Variants in RASA2 observed in about 807,000 individuals in gnomAD.
RASA2 encodes RAS p21 protein activator 2.
Under a neutral mutation model 118.2 loss-of-function variants are expected in RASA2, and 155 were observed. That is an observed-to-expected ratio of 1.31 (90% CI 1.15 to 1.50). The LOEUF (loss-of-function observed/expected upper bound fraction) is 1.50, where lower values mean the gene tolerates loss of function less well. Among genes scored for constraint, RASA2 ranks in the 40% most tolerant of loss-of-function variants. The probability of loss-of-function intolerance (pLI) is 0.00; values close to 1 mark genes in which losing one functional copy is unlikely to be tolerated. For synonymous variants in RASA2, 353 were observed against 349.1 expected (o/e 1.01, Z -0.12); for missense variants, 1,016 against 1,009.6 (o/e 1.01, Z -0.09).
At chr3:141,580,013 G>A (rs2083076620) in intron 15 of RASA2, among the ~76,000 whole-genome samples, 1 of 131,330 alleles carries the variant, frequency 7.6e-6, no homozygotes, top group Admixed American at 8.9e-5. Context: ...CTGCGGTTAT[G>A]CCACTACACT....
intron 21 of RASA2, among the ~76,000 whole-genome samples, chr3:141,609,123 T>C (rs916592323): frequency 6.6e-6 from 1 of 152,252 alleles, no homozygotes; most frequent in Admixed American, 6.5e-5. Flanking sequence ...TCTTTCTAAT[T>C]GTATGGAACA....
intron 7 of RASA2, among the ~76,000 whole-genome samples, chr3:141,556,465 T>C (rs2082651505): frequency 6.6e-6 from 1 of 152,178 alleles, no homozygotes; most frequent in Non-Finnish European, 1.5e-5. Flanking sequence ...ATTACAGCTT[T>C]ATTATTACTT....
intron 1 of RASA2, among the ~76,000 whole-genome samples, chr3:141,488,079 T>G (rs1411389425): frequency 6.6e-6 from 1 of 152,246 alleles, no homozygotes; most frequent in Non-Finnish European, 1.5e-5. Flanking sequence ...TGCTCAGAGT[T>G]GTCCGAGCAT....
intron 23 of RASA2, among the ~76,000 whole-genome samples, chr3:141,611,007 C>G (rs1237529988): frequency 6.6e-6 from 1 of 151,790 alleles, no homozygotes; most frequent in African/African-American, 2.4e-5. Flanking sequence ...CAATGGATAA[C>G]AACAGCAACA....
At chr3:141,565,231 C>T (rs139789937) in intron 9 of RASA2, among the ~76,000 whole-genome samples, 2,011 of 152,276 alleles carry the variant, frequency 0.013, 57 homozygotes, top group African/African-American at 0.046. Flanking sequence ...GTGATCCACC[C>T]GCCTTGGCCT....
At chr3:141,533,348 C>T (rs1164256275) in intron 4 of RASA2, among the ~76,000 whole-genome samples, 2 of 152,148 alleles carry the variant, frequency 1.3e-5, no homozygotes, top group Non-Finnish European at 2.9e-5. Flanking sequence ...ATTGCTACCT[C>T]AGAGGGAGAG....
intron 4 of RASA2, among the ~76,000 whole-genome samples, chr3:141,535,277 T>G (rs1185041468): frequency 2.0e-5 from 3 of 152,066 alleles, no homozygotes; most frequent in Non-Finnish European, 2.9e-5. Flanking sequence ...ACCAAAAAAT[T>G]TTTGTGACTT....
chr3:141,564,466 C>A (rs2082786154), intron 9 of RASA2, among the ~76,000 whole-genome samples: 2 of 152,064 alleles, frequency 1.3e-5, no homozygotes, highest in East Asian at 1.9e-4. Flanking sequence ...GGAAAAGATT[C>A]ATCTAGAGTA....
At chr3:141,517,825 T>C (rs2082050613) in intron 3 of RASA2, among the ~76,000 whole-genome samples, 1 of 152,058 alleles carries the variant, frequency 6.6e-6, no homozygotes. Context: ...GACTAATTTT[T>C]TTTGTATTTT....
intron 14 of RASA2, among the ~76,000 whole-genome samples, 157 bp downstream of exon 14, chr3:141,574,224 C>T (rs1488302481): frequency 6.6e-6 from 1 of 151,738 alleles, no homozygotes; most frequent in Non-Finnish European, 1.5e-5. Context: ...GAGTCTTGCT[C>T]TGTCACCCTG....
chr3:141,607,530 TTATATA>T, intron 19 of RASA2, 142 bp from the exon 20 acceptor site: 1 of 735,030 alleles, frequency 1.4e-6, no homozygotes, highest in Non-Finnish European at 1.9e-6. Context: ...AAACAAATAT[TTATATA>T]TATGCCATTT....
intron 9 of RASA2, among the ~76,000 whole-genome samples, chr3:141,568,627 TTAAA>T: frequency 6.6e-6 from 1 of 152,068 alleles, no homozygotes; most frequent in Non-Finnish European, 1.5e-5. Flanking sequence ...TTTTTTAATA[TTAAA>T]TAAAGAAGAT....
At chr3:141,585,103 A>G (rs531602931) in intron 17 of RASA2, among the ~76,000 whole-genome samples, 140 of 152,152 alleles carry the variant, frequency 9.2e-4, no homozygotes, top group Non-Finnish European at 1.7e-3. Flanking sequence ...TCTGAGCCAT[A>G]CTTTGGTGAT....
intron 15 of RASA2, among the ~76,000 whole-genome samples, chr3:141,578,094 A>G (rs1198602040): frequency 6.6e-6 from 1 of 152,194 alleles, no homozygotes; most frequent in Admixed American, 6.5e-5. Flanking sequence ...GCCTTGTTCT[A>G]ACTACTTTAT....
Position 141,558,961 on chromosome 3 carries a change from AG to A in RASA2, c.761+1del. The A allele has an allele frequency of 6.3e-7, 1 of 1,598,454 alleles. No individual in the cohort carries two copies. Among genetic ancestry groups the A allele is most frequent in the Non-Finnish European group, 8.6e-7 (1 of 1,167,160 alleles). ...EEEDIEKLEIRIDLWNNGNLV... is the reference protein window; with the variant it reads ...EEEDIEKLEIXIDLWNNGNLV... ...GGAGGACATTGAAAAGCTAGAAATC[AG>A]GTATGTGCCTTGGGGTTTTACAGAA... On this transcript the variant is annotated frameshift_variant and splice_region_variant, in exon 8 of 24. Transcript: ENST00000286364. LOFTEE classifies it high-confidence loss of function.
intron 1 of RASA2, among the ~76,000 whole-genome samples, chr3:141,510,169 A>G (rs1179716943): frequency 6.6e-6 from 1 of 152,198 alleles, no homozygotes; most frequent in African/African-American, 2.4e-5. Flanking sequence ...TCTAGTCCAA[A>G]CCTTCATCAG....
intron 20 of RASA2, among the ~76,000 whole-genome samples, chr3:141,608,161 T>G (rs1194936623): frequency 6.6e-6 from 1 of 152,202 alleles, no homozygotes; most frequent in Non-Finnish European, 1.5e-5. Context: ...CAGGATGATT[T>G]CCTTGTTCCT....
intron 3 of RASA2, among the ~76,000 whole-genome samples, chr3:141,522,089 T>A (rs2082119406): frequency 6.6e-6 from 1 of 152,144 alleles, no homozygotes; most frequent in Non-Finnish European, 1.5e-5. Context: ...TTTAGGGGTT[T>A]TTTATTTTTA....
chr3:141,539,768 T>A (rs778528808), intron 4 of RASA2, among the ~76,000 whole-genome samples: 1 of 152,230 alleles, frequency 6.6e-6, no homozygotes, highest in Non-Finnish European at 1.5e-5. Context: ...ATTATATTGT[T>A]CCTAAGCCTT....
Sources: gnomAD v4.1 joint callset for allele counts (sites outside exome capture counted in the v4.1 genomes callset) on GRCh38, gnomAD v4.1.1 for gene constraint, MANE v1.5 for transcripts, NCBI Gene and HGNC (gene_info 2026-07-23, HGNC 2026-07-21) for gene names.